RIBC2: variants seen among roughly 807,000 people sequenced by gnomAD.
RIBC2 encodes RIB43A-like with coiled-coils protein 2.
In RIBC2, 40 loss-of-function variants were observed where a neutral mutation model predicts 44.3. That is an observed-to-expected ratio of 0.90 (90% CI 0.70 to 1.18). RIBC2 has a LOEUF of 1.18. RIBC2 is among the 50% of genes most tolerant of loss of function. RIBC2 has a pLI of 0.00. For synonymous variants in RIBC2, 171 were observed against 175.0 expected (o/e 0.98, Z 0.18); for missense variants, 459 against 485.5 (o/e 0.95, Z 0.51).
At chr22:45,416,185 T>C (rs2087423160) in intron 2 of RIBC2, among the ~76,000 whole-genome samples, 1 of 152,200 alleles carries the variant, frequency 6.6e-6, no homozygotes, top group Non-Finnish European at 1.5e-5. Flanking sequence ...AGAGTATTCA[T>C]TTTAATTGTT....
chr22:45,425,838 C>T, intron 4 of RIBC2, 110 bp from the exon 5 acceptor site: 1 of 904,184 alleles, frequency 1.1e-6, no homozygotes, highest in Non-Finnish European at 1.7e-6. Flanking sequence ...ACTCCTGCTG[C>T]CCTTAGCATA....
chr22:45,419,313 ACATCC>A (rs1316211120), intron 3 of RIBC2, among the ~76,000 whole-genome samples: 5 of 152,116 alleles, frequency 3.3e-5, no homozygotes, highest in African/African-American at 9.7e-5. Context: ...CCTTCTACCC[ACATCC>A]GTGACAGCTC....
intron 2 of RIBC2, among the ~76,000 whole-genome samples, chr22:45,417,330 C>T (rs2087434510): frequency 6.6e-6 from 1 of 151,950 alleles, no homozygotes; most frequent in Non-Finnish European, 1.5e-5. Flanking sequence ...CCTTTAATGG[C>T]TGTGTTACTT....
intron 2 of RIBC2, among the ~76,000 whole-genome samples, chr22:45,416,927 A>C (rs2087430853): frequency 7.5e-6 from 1 of 133,506 alleles, no homozygotes; most frequent in Non-Finnish European, 1.5e-5. Context: ...TTTGAGACAG[A>C]GTCTCATTCT....
At chr22:45,427,634 G>A (rs1316334974) in intron 5 of RIBC2, among the ~76,000 whole-genome samples, 1 of 152,218 alleles carries the variant, frequency 6.6e-6, no homozygotes, top group Non-Finnish European at 1.5e-5. Context: ...CACCTACAGA[G>A]AGAATGTATG....
chr22:45,415,636 C>T (rs984069681), intron 2 of RIBC2, among the ~76,000 whole-genome samples: 4 of 151,438 alleles, frequency 2.6e-5, no homozygotes, highest in Non-Finnish European at 4.4e-5. Context: ...ACAACACTGC[C>T]CTGCCCCCTA....
chr22:45,424,762 T>TC (rs1309954082), intron 4 of RIBC2, among the ~76,000 whole-genome samples: 1 of 149,764 alleles, frequency 6.7e-6, no homozygotes, highest in Non-Finnish European at 1.5e-5. Flanking sequence ...TCTTTTTTTT[T>TC]TTTTTTTTTG....
intron 5 of RIBC2, among the ~76,000 whole-genome samples, chr22:45,426,469 G>A (rs1357765209): frequency 6.6e-6 from 1 of 152,232 alleles, no homozygotes; most frequent in Admixed American, 6.5e-5. Flanking sequence ...AGGGCGACCG[G>A]GCAGGGTGAG....
chr22:45,416,595 G>C (rs2087427306), intron 2 of RIBC2, among the ~76,000 whole-genome samples: 1 of 152,068 alleles, frequency 6.6e-6, no homozygotes, highest in Non-Finnish European at 1.5e-5. Context: ...CCAAGTAGCT[G>C]TGACTATAGG....
intron 3 of RIBC2, among the ~76,000 whole-genome samples, chr22:45,419,732 CAAAA>C (rs567543981): frequency 7.5e-6 from 1 of 132,550 alleles, no homozygotes. Flanking sequence ...AACCCTGTCT[CAAAA>C]AAAAAAAAGA....
chr22:45,415,365 C>G (rs2087413745), intron 2 of RIBC2, among the ~76,000 whole-genome samples: 1 of 151,916 alleles, frequency 6.6e-6, no homozygotes, highest in Non-Finnish European at 1.5e-5. Flanking sequence ...AAAATGTTAG[C>G]AGGGTAATGT....
At position 45,414,375 on chromosome 22, in the gene RIBC2, T is replaced by C. The variant is rs1200536633; in HGVS notation, c.183T>C (p.Ala61=). 1.3e-6 allele frequency: 2 copies of C among 1,550,888 alleles called. No individual in the cohort carries two copies. Among genetic ancestry groups the C allele is most frequent in the South Asian group, 2.4e-5 (2 of 83,946 alleles). ...VQVHDQKIKE[A]TEKARHETFA... is the part of the protein sequence containing the mutation. ...TTCATGACCAGAAGATAAAAGAAGC[T>C]ACTGAAAAAGCTAGACATGAAACCT... The change falls in exon 2 of 7, where the codon GCT becomes GCC. Residue 61 remains alanine, a synonymous_variant. Transcript: ENST00000614167.
chr22:45,413,837 G>C lies in RIBC2; in HGVS notation c.-50G>C. The C allele has an allele frequency of 6.7e-7, 1 of 1,500,428 alleles. No individual in the cohort carries two copies. Among genetic ancestry groups the C allele is most frequent in the Non-Finnish European group, 8.9e-7 (1 of 1,118,838 alleles). 92.9% of individuals were successfully genotyped at this position (1,500,428 alleles called of 1,614,324 possible). A position where few individuals can be genotyped will look rare whatever the true frequency, so the allele number is the denominator to read the frequency against. ...CCTGCGCTACAGCTTCCTTATTTTC[G>C]TCGCCTGTTCTCCTGATCCTGCGTG... is the stretch of plus-strand genomic sequence containing the variant. On this transcript the variant is annotated 5_prime_UTR_variant, in exon 1 of 7. Transcript: ENST00000614167.
chr22:45,415,087 A>T (rs2087408448), intron 2 of RIBC2, among the ~76,000 whole-genome samples: 1 of 151,974 alleles, frequency 6.6e-6, no homozygotes, highest in Admixed American at 6.6e-5. Context: ...AATTTCAACA[A>T]TTGTTGAAAT....
At chr22:45,431,100 G>A (rs1054922739) in intron 6 of RIBC2, 34 bp downstream of exon 6, 8 of 1,555,556 alleles carry the variant, frequency 5.1e-6, no homozygotes, top group Admixed American at 1.9e-5. Flanking sequence ...CCAGGTGGGG[G>A]ACCGGGTGGA....
At chr22:45,426,962 G>A (rs2087540310) in intron 5 of RIBC2, among the ~76,000 whole-genome samples, 1 of 152,132 alleles carries the variant, frequency 6.6e-6, no homozygotes, top group African/African-American at 2.4e-5. Flanking sequence ...TCTAGGTCCT[G>A]TGGCCTGAGC....
intron 4 of RIBC2, among the ~76,000 whole-genome samples, chr22:45,422,736 C>T (rs753283162): frequency 6.6e-6 from 1 of 152,174 alleles, no homozygotes; most frequent in Non-Finnish European, 1.5e-5. Flanking sequence ...TAGCTCTGCT[C>T]CACTGCCTGG....
chr22:45,422,232 C>T (rs2087492481), intron 3 of RIBC2, 58 bp from the exon 4 acceptor site: 1 of 1,270,170 alleles, frequency 7.9e-7, no homozygotes, highest in Non-Finnish European at 1.2e-6. Flanking sequence ...CGAACGGCCA[C>T]ACGTGGGAAG....
intron 4 of RIBC2, among the ~76,000 whole-genome samples, chr22:45,425,276 T>C (rs1851229739): frequency 6.6e-6 from 1 of 152,178 alleles, no homozygotes; most frequent in African/African-American, 2.4e-5. Context: ...CAAGCTGGCC[T>C]CTGGTGAGCA....
Sources: allele counts gnomAD v4.1 joint callset (sites outside exome capture counted in the v4.1 genomes callset), GRCh38; gene constraint gnomAD v4.1.1; transcripts MANE v1.5; gene names NCBI Gene and HGNC (gene_info 2026-07-23, HGNC 2026-07-21).